Variants in SORL1 observed in about 807,000 individuals in gnomAD.
The protein encoded by SORL1 is sortilin related receptor 1, also known as sortilin-related receptor.
Under a neutral mutation model 273.7 loss-of-function variants are expected in SORL1, and 127 were observed. The observed-to-expected ratio is 0.46, with a 90% CI of 0.40 to 0.54. The LOEUF (loss-of-function observed/expected upper bound fraction) is 0.54, where lower values mean the gene tolerates loss of function less well. Ranked by LOEUF, SORL1 falls within the 20% of genes least tolerant of loss-of-function variation. The pLI, the probability that SORL1 is intolerant of heterozygous loss-of-function variation, is 0.00. For missense variants in SORL1, 2,494 were observed against 2,846.1 expected, an observed-to-expected ratio of 0.88 and a Z score of 2.81; for synonymous variants, 1,031 against 1,067.4, an observed-to-expected ratio of 0.97 and a Z score of 0.66.
At chr11:121,464,785 G>A (rs1038497216) in intron 1 of SORL1, among the ~76,000 whole-genome samples, 2 of 152,190 alleles carry the variant, frequency 1.3e-5, no homozygotes, top group African/African-American at 2.4e-5. Flanking sequence ...AGGCCTGTGC[G>A]GATGCTGTGG....
Position 121,567,962 on chromosome 11 carries a change from C to T in SORL1, c.3223+849C>T, listed in dbSNP as rs534873365. ...GCTGTATTGCCCAGGCTGGCACATT[C>T]ACGGCTCACTGCAGCTTCAACTCAA... On this transcript the variant is annotated intron_variant, in intron 22 of 47. Transcript: ENST00000260197. 1.5e-4 allele frequency among the ~76,000 whole-genome samples: 23 copies of T among 152,258 alleles called. No homozygotes were observed. In the East Asian group the frequency reaches 2.9e-3, roughly 19 times the overall value.
At chr11:121,584,328 A>T (rs1863060753) in intron 26 of SORL1, among the ~76,000 whole-genome samples, 2 of 152,154 alleles carry the variant, frequency 1.3e-5, no homozygotes, top group South Asian at 4.1e-4. Flanking sequence ...AGTTGCTTCC[A>T]CTAATGTAAT....
intron 12 of SORL1, among the ~76,000 whole-genome samples, chr11:121,534,775 A>G (rs1164252033): frequency 6.6e-6 from 1 of 152,226 alleles, no homozygotes; most frequent in African/African-American, 2.4e-5. Flanking sequence ...ATGCACAAGG[A>G]CAGGTGGCTT....
At position 121,543,559 on chromosome 11, in the gene SORL1, A is replaced by G. The variant is rs201795031; in HGVS notation, c.1697A>G (p.Asn566Ser). The change falls in exon 13 of 48, where the codon AAT becomes AGT. Residue 566 changes from asparagine (N) to serine (S), a missense_variant. Asn to Ser is a conservative substitution (Grantham distance 46, BLOSUM62 1). Transcript: ENST00000260197. ...METNELKYST[N>S]EGETWKTFIF... ...TTGCATTTGGGCAGATACAGTACCA[A>G]TGAAGGGGAGACCTGGAAAACATTC... The G allele has an allele frequency of 4.1e-5, 66 of 1,613,822 alleles. No homozygotes were observed. Among genetic ancestry groups the G allele is most frequent in the African/African-American group, 2.7e-5 (2 of 74,940 alleles).
At chr11:121,534,391 A>G (rs1862241514) in intron 12 of SORL1, among the ~76,000 whole-genome samples, 1 of 152,186 alleles carries the variant, frequency 6.6e-6, no homozygotes, top group Non-Finnish European at 1.5e-5. Context: ...ATGATCAGGA[A>G]AATAAACTTG....
intron 6 of SORL1, among the ~76,000 whole-genome samples, chr11:121,498,133 A>G (rs1023472031): frequency 6.6e-6 from 1 of 152,224 alleles, no homozygotes; most frequent in Non-Finnish European, 1.5e-5. Context: ...TTTTCTTGTC[A>G]GGCCATTTGC....
At chr11:121,486,486 T>TG (rs1861474135) in intron 3 of SORL1, among the ~76,000 whole-genome samples, 1 of 150,512 alleles carries the variant, frequency 6.6e-6, no homozygotes, top group African/African-American at 2.4e-5. Context: ...CTTTCTTTTT[T>TG]TTTTTTTTTT....
At chr11:121,587,038 A>G (rs1037633021) in intron 27 of SORL1, among the ~76,000 whole-genome samples, 1 of 152,222 alleles carries the variant, frequency 6.6e-6, no homozygotes, top group African/African-American at 2.4e-5. Context: ...TTTGATTTGC[A>G]TACAGTAACT....
At position 121,558,604 on chromosome 11, in the gene SORL1, A is replaced by G. The variant is rs1192817461; in HGVS notation, c.2677A>G (p.Thr893Ala). ...LVPQEGVMFW[T>A]DWGDLKPGIY... ...CATTTTCGCTAGGGTGATGTTCTGG[A>G]CAGACTGGGGAGACCTGAAGCCTGG... is the stretch of plus-strand genomic sequence containing the variant. Residue 893 changes from threonine to alanine, a missense_variant, in exon 20 of 48, where the codon ACA becomes GCA. Coordinates refer to ENST00000260197, the MANE Select transcript of SORL1 (RefSeq NM_003105.6). The G allele has an allele frequency of 6.2e-7, 1 of 1,613,970 alleles. No individual in the cohort carries two copies. The highest frequency in any genetic ancestry group is 1.7e-5 in the Admixed American group (1 of 59,988).
At chr11:121,473,329 A>C (rs1861202026) in intron 2 of SORL1, among the ~76,000 whole-genome samples, 1 of 152,226 alleles carries the variant, frequency 6.6e-6, no homozygotes, top group Non-Finnish European at 1.5e-5. Context: ...GAATCCAGAA[A>C]GTCTTGCTCT....
At chr11:121,463,841 A>G (rs1403963432) in intron 1 of SORL1, among the ~76,000 whole-genome samples, 1 of 152,224 alleles carries the variant, frequency 6.6e-6, no homozygotes, top group Admixed American at 6.5e-5. Context: ...CCTGCTAAAT[A>G]TAGTGAGAAC....
intron 2 of SORL1, among the ~76,000 whole-genome samples, chr11:121,477,830 C>A (rs895435855): frequency 6.6e-6 from 1 of 151,986 alleles, no homozygotes; most frequent in Non-Finnish European, 1.5e-5. Context: ...GAGATTGAGA[C>A]CATCCTGGCC....
At position 121,586,298 on chromosome 11, in the gene SORL1, T is replaced by C; in HGVS notation, c.3783T>C (p.Asp1261=). The C allele has an allele frequency of 6.2e-7, 1 of 1,614,152 alleles. No individual in the cohort carries two copies. Among genetic ancestry groups the C allele is most frequent in the Non-Finnish European group, 8.5e-7 (1 of 1,179,990 alleles). Residue 1261 remains aspartate, a synonymous_variant, in exon 27 of 48, where the codon GAT becomes GAC. Transcript: ENST00000260197. ...PSSKHCDGLR[D]CSDGSDEQHC... Reference sequence around the variant, plus strand: ...GCAAACATTGTGATGGTCTGCGTGATTGCTCTGATGGCTCCGATGAACAGC... The same window carrying C: ...GCAAACATTGTGATGGTCTGCGTGACTGCTCTGATGGCTCCGATGAACAGC...
intron 12 of SORL1, among the ~76,000 whole-genome samples, chr11:121,542,364 T>G (rs1862360555): frequency 6.6e-6 from 1 of 152,222 alleles, no homozygotes; most frequent in East Asian, 1.9e-4. Flanking sequence ...TGCAAATTTG[T>G]TTAGTCATTG....
In SORL1 at chr11:121,554,213, G is replaced by GT; in HGVS notation, c.2439+105dup. 5.9e-6 allele frequency: 6 copies of GT among 1,016,532 alleles called. No homozygotes were observed. The highest frequency in any genetic ancestry group is 2.8e-4 in the Middle Eastern group (1 of 3,616). The allele number at this position is 1,016,532 out of a possible 1,614,324, so 63.0% of individuals were successfully genotyped here. On this transcript the variant is annotated intron_variant, in intron 17 of 47. Coordinates refer to ENST00000260197, the MANE Select transcript of SORL1 (RefSeq NM_003105.6). This position sits in a 1 kb window ranked among gnomAD's most constrained non-coding sequence, Gnocchi z 4.6. ...TATGGAAATGGGCAGTTAGAAGTTT[G>GT]TAAGTGTTACTCATCTCAGGGCTGA...
At chr11:121,539,625 TA>T (rs967208368) in intron 12 of SORL1, among the ~76,000 whole-genome samples, 2 of 152,028 alleles carry the variant, frequency 1.3e-5, no homozygotes, top group African/African-American at 4.8e-5. Flanking sequence ...CTATTTTTTT[TA>T]GACCCAGCTT....
chr11:121,466,679 C>T (rs1266958121), intron 1 of SORL1, among the ~76,000 whole-genome samples: 1 of 152,146 alleles, frequency 6.6e-6, no homozygotes, highest in African/African-American at 2.4e-5. Flanking sequence ...GTCCTGCGCG[C>T]ATCCATTCCT....
intron 8 of SORL1, among the ~76,000 whole-genome samples, chr11:121,518,038 T>G (rs1386063823): frequency 6.6e-6 from 1 of 152,152 alleles, no homozygotes; most frequent in Non-Finnish European, 1.5e-5. Flanking sequence ...CTGGCCCTGG[T>G]GGGATGTGCC....
In SORL1 at chr11:121,596,075, A is replaced by G. The variant is rs1863291260; in HGVS notation, c.4519+303A>G. ...TTTCATAAGCATGTTTAACTCTTTAAAAACGCCCTTGGGGAAAGCCACAAC... is the reference window on the plus strand; with the variant it reads ...TTTCATAAGCATGTTTAACTCTTTAGAAACGCCCTTGGGGAAAGCCACAAC... On this transcript the variant is annotated intron_variant, in intron 32 of 47. Transcript: ENST00000260197. This position sits in a 1 kb window ranked among gnomAD's most constrained non-coding sequence, Gnocchi z 4.3. Among the ~76,000 whole-genome samples, 1 of 152,268 alleles carries G rather than the reference A, an allele frequency of 6.6e-6. No homozygotes were observed. Among genetic ancestry groups the G allele is most frequent in the African/African-American group, 2.4e-5 (1 of 41,466 alleles).
Sources: allele counts gnomAD v4.1 joint callset (sites outside exome capture counted in the v4.1 genomes callset), GRCh38; gene constraint gnomAD v4.1.1; non-coding constraint Gnocchi (gnomAD v3.1); transcripts MANE v1.5; gene names NCBI Gene and HGNC (gene_info 2026-07-23, HGNC 2026-07-21).